CAMK1D: variants seen among roughly 807,000 people sequenced by gnomAD.
The protein encoded by CAMK1D is calcium/calmodulin-dependent protein kinase type 1D.
A neutral mutation model predicts 47.7 loss-of-function variants in CAMK1D; 9 were observed. That is an observed-to-expected ratio of 0.19 (90% CI 0.11 to 0.33). The LOEUF is 0.33. Among genes scored for constraint, CAMK1D ranks in the 10% least tolerant of loss-of-function variants. The pLI is 1.00. For missense variants in CAMK1D, 291 were observed against 488.7 expected (o/e 0.60, Z 3.81); for synonymous variants, 184 against 184.9 (o/e 0.99, Z 0.04).
intron 2 of CAMK1D, among the ~76,000 whole-genome samples, chr10:12,640,035 G>A (rs1006485642): frequency 1.3e-5 from 2 of 152,144 alleles, no homozygotes; most frequent in Admixed American, 6.5e-5. Flanking sequence ...CATGTTCTAC[G>A]AAGCTCCCCT....
chr10:12,368,198 C>CAA (rs759817546), intron 1 of CAMK1D, among the ~76,000 whole-genome samples: 23,657 of 88,692 alleles, frequency 0.27, 2,415 homozygotes, highest in South Asian at 0.36. Flanking sequence ...GACTCCGTCT[C>CAA]AAAAAAAAAA....
At chr10:12,721,511 ACCAT>A (rs62870361) in intron 3 of CAMK1D, among the ~76,000 whole-genome samples, 128,982 of 150,706 alleles carry the variant, frequency 0.86, 56,759 homozygotes, top group East Asian at 0.96. Context: ...GCTACCATCC[ACCAT>A]CCATCCATCC....
At chr10:12,613,906 A>G (rs1178715316) in intron 2 of CAMK1D, among the ~76,000 whole-genome samples, 1 of 152,212 alleles carries the variant, frequency 6.6e-6, no homozygotes, top group Non-Finnish European at 1.5e-5. Context: ...AGAGGTAGAG[A>G]AGAGAAAGTG....
intron 1 of CAMK1D, among the ~76,000 whole-genome samples, chr10:12,356,004 G>C (rs1211627336): frequency 6.6e-6 from 1 of 152,134 alleles, no homozygotes; most frequent in East Asian, 1.9e-4. Context: ...CTGTCTGAAC[G>C]TAGACTCTTC....
chr10:12,589,859 A>G (rs1837944222), intron 2 of CAMK1D, among the ~76,000 whole-genome samples: 1 of 152,182 alleles, frequency 6.6e-6, no homozygotes, highest in Non-Finnish European at 1.5e-5. Context: ...CATCTTGTAA[A>G]ATACAGAGTT....
At chr10:12,691,986 C>T (rs1832949340) in intron 3 of CAMK1D, among the ~76,000 whole-genome samples, 1 of 152,202 alleles carries the variant, frequency 6.6e-6, no homozygotes. Flanking sequence ...TGTGGGACTA[C>T]CTCTGACCTT....
intron 1 of CAMK1D, among the ~76,000 whole-genome samples, chr10:12,545,147 A>G (rs925749119): frequency 2.6e-5 from 4 of 152,144 alleles, no homozygotes; most frequent in Admixed American, 2.0e-4. Flanking sequence ...TGTACATGGG[A>G]TAGGTAATGT....
At chr10:12,728,939 C>A (rs922312543) in intron 3 of CAMK1D, among the ~76,000 whole-genome samples, 1 of 152,208 alleles carries the variant, frequency 6.6e-6, no homozygotes, top group Non-Finnish European at 1.5e-5. Context: ...CAGATCACTT[C>A]TGAAATGAAC....
intron 1 of CAMK1D, among the ~76,000 whole-genome samples, chr10:12,432,205 A>T (rs1354827981): frequency 6.6e-6 from 1 of 152,210 alleles, no homozygotes; most frequent in African/African-American, 2.4e-5. Flanking sequence ...ACAGAGGTGG[A>T]TTGAAACTTG....
intron 3 of CAMK1D, among the ~76,000 whole-genome samples, chr10:12,676,867 TAA>T: frequency 6.6e-6 from 1 of 151,974 alleles, no homozygotes; most frequent in Non-Finnish European, 1.5e-5. Context: ...TGAGGGGGAG[TAA>T]AGTTTACTCA....
chr10:12,537,329 C>G (rs572787877), intron 1 of CAMK1D, among the ~76,000 whole-genome samples: 3 of 152,230 alleles, frequency 2.0e-5, no homozygotes, highest in African/African-American at 4.8e-5. Context: ...GCCTTGACCT[C>G]CCAAAGTGGT....
At chr10:12,612,678 C>T (rs1475548103) in intron 2 of CAMK1D, among the ~76,000 whole-genome samples, 1 of 152,084 alleles carries the variant, frequency 6.6e-6, no homozygotes, top group African/African-American at 2.4e-5. Flanking sequence ...TCGCATATTC[C>T]TCTCTGGGTG....
intron 3 of CAMK1D, among the ~76,000 whole-genome samples, chr10:12,679,495 A>G (rs1840920301): frequency 6.6e-6 from 1 of 152,202 alleles, no homozygotes; most frequent in Non-Finnish European, 1.5e-5. Flanking sequence ...TTATAAAAAG[A>G]GCACCTACAC....
At chr10:12,738,588 T>G (rs574209731) in intron 3 of CAMK1D, among the ~76,000 whole-genome samples, 21 of 152,208 alleles carry the variant, frequency 1.4e-4, no homozygotes, top group African/African-American at 4.8e-4. Flanking sequence ...ATCCCAGCAC[T>G]TTGGGAGGCT....
chr10:12,619,116 A>G (rs1838911544), intron 2 of CAMK1D, among the ~76,000 whole-genome samples: 1 of 152,246 alleles, frequency 6.6e-6, no homozygotes, highest in Non-Finnish European at 1.5e-5. Context: ...ACTGATTGAA[A>G]TAATCATGGT....
At chr10:12,627,775 G>C (rs1839264467) in intron 2 of CAMK1D, among the ~76,000 whole-genome samples, 1 of 151,984 alleles carries the variant, frequency 6.6e-6, no homozygotes, top group South Asian at 2.1e-4. Context: ...TCATTTACCT[G>C]TTGATGAACA....
chr10:12,734,326 A>C (rs1835031936), intron 3 of CAMK1D, among the ~76,000 whole-genome samples: 1 of 29,714 alleles, frequency 3.4e-5, no homozygotes, highest in Admixed American at 5.8e-4. Flanking sequence ...CCATCTCAAA[A>C]AAAAAAAAAA....
At chr10:12,377,712 A>C (rs1215169913) in intron 1 of CAMK1D, among the ~76,000 whole-genome samples, 1 of 152,176 alleles carries the variant, frequency 6.6e-6, no homozygotes, top group Admixed American at 6.5e-5. Context: ...ATTTTTAATG[A>C]TTGGAGAACA....
chr10:12,770,716 A>G (rs892474726), intron 5 of CAMK1D, among the ~76,000 whole-genome samples: 7 of 152,244 alleles, frequency 4.6e-5, no homozygotes, highest in African/African-American at 1.7e-4. Context: ...CTGAGAGGAC[A>G]GGGAGGAGAC....
Sources: gnomAD v4.1 joint callset for allele counts (sites outside exome capture counted in the v4.1 genomes callset) on GRCh38, gnomAD v4.1.1 for gene constraint, MANE v1.5 for transcripts, NCBI Gene and HGNC (gene_info 2026-07-23, HGNC 2026-07-21) for gene names.